Variants in PDZK1 observed in about 807,000 individuals in gnomAD.
PDZK1 encodes the protein PDZ domain containing 1.
Under a neutral mutation model 38.1 loss-of-function variants are expected in PDZK1, and 23 were observed. The observed-to-expected ratio is 0.60, with a 90% CI of 0.43 to 0.85. The LOEUF (loss-of-function observed/expected upper bound fraction) is 0.85, where lower values mean the gene tolerates loss of function less well. PDZK1 is among the 40% of genes least tolerant of loss of function. The probability of loss-of-function intolerance (pLI) is 0.00; values close to 1 mark genes in which losing one functional copy is unlikely to be tolerated. For missense variants in PDZK1, 297 were observed against 504.3 expected (o/e 0.59, Z 3.94); for synonymous variants, 98 against 186.2 (o/e 0.53, Z 3.86).
chr1:145,690,371 C>T lies in PDZK1; in HGVS notation c.-2-2348G>A, dbSNP rs116439489. Among the ~76,000 whole-genome samples the T allele has an allele frequency of 2.0e-3, 301 of 152,186 alleles. 2 individuals are homozygous for T. The highest frequency in any genetic ancestry group is 6.9e-3 in the African/African-American group (286 of 41,530). ...AAGAAAAAAAATCAGAAAAGAAAGACGAGGTCTCAATGTACTTTACTGGGA... is the reference window on the plus strand; with the variant it reads ...AAGAAAAAAAATCAGAAAAGAAAGATGAGGTCTCAATGTACTTTACTGGGA... On this transcript the variant is annotated intron_variant, in intron 1 of 8. Coordinates refer to ENST00000417171, the MANE Select transcript of PDZK1 (RefSeq NM_001201325.2).
chr1:145,679,315 T>A (rs1257153680), intron 5 of PDZK1, among the ~76,000 whole-genome samples: 2 of 152,082 alleles, frequency 1.3e-5, no homozygotes, highest in Non-Finnish European at 2.9e-5. Flanking sequence ...GCCCCTCCTC[T>A]TGGTTACCTG....
chr1:145,688,852 G>A (rs1034049265), intron 1 of PDZK1, among the ~76,000 whole-genome samples: 6 of 152,140 alleles, frequency 3.9e-5, no homozygotes, highest in Admixed American at 1.3e-4. Flanking sequence ...CCAGCTATTC[G>A]GGAGGCTGAG....
At chr1:145,681,375 C>T (rs1320939443) in intron 4 of PDZK1, among the ~76,000 whole-genome samples, 4 of 148,494 alleles carry the variant, frequency 2.7e-5, no homozygotes, top group African/African-American at 5.2e-5. Context: ...CTCTGCCTCC[C>T]GGGTTCACGC....
At chr1:145,705,335 C>T (rs1656187595) in intron 1 of PDZK1, among the ~76,000 whole-genome samples, 1 of 152,170 alleles carries the variant, frequency 6.6e-6, no homozygotes. Flanking sequence ...AGGTGATCCA[C>T]CTGCCTCAGC....
rs148852899 is a variant in PDZK1 at position 145,696,878 on chromosome 1, G to A, written c.-2-8855C>T. Among the ~76,000 whole-genome samples, 121 of 152,302 alleles carry A rather than the reference G, an allele frequency of 7.9e-4. 1 individual carries two copies. Among genetic ancestry groups the A allele is most frequent in the Middle Eastern group, 6.8e-3 (2 of 294 alleles). The stretch of plus-strand genomic sequence containing the variant: ...GTAGGTTTCAATTAGAGGACTTGAC[G>A]GAACATCACCTAGAGCTTAGGAGAT... On this transcript the variant is annotated intron_variant, in intron 1 of 8. Coordinates refer to ENST00000417171, the MANE Select transcript of PDZK1 (RefSeq NM_001201325.2).
At position 145,686,523 on chromosome 1, in the gene PDZK1, G is replaced by A. The variant is rs147285425; in HGVS notation, c.414C>T (p.Leu138=). 1.6e-5 allele frequency: 25 copies of A among 1,611,792 alleles called. No homozygotes were observed. The highest frequency in any genetic ancestry group is 4.5e-5 in the East Asian group (2 of 44,902). Residue 138 remains leucine, a synonymous_variant, in exon 3 of 9, where the codon CTC becomes CTT. Transcript: ENST00000417171. ...QTWTQPRLCY[L]VKEGGSYGFS... ...AGCCATAGCTGCCTCCTTCCTTCAC[G>A]AGATAGCAGAGCCGGGGCTGGGTCC...
intron 3 of PDZK1, among the ~76,000 whole-genome samples, chr1:145,685,525 C>T (rs1654673546): frequency 6.6e-6 from 1 of 152,052 alleles, no homozygotes; most frequent in South Asian, 2.1e-4. Flanking sequence ...ATACACACCA[C>T]TGTGTTTAAT....
intron 1 of PDZK1, among the ~76,000 whole-genome samples, chr1:145,699,045 G>A (rs1356871375): frequency 1.3e-5 from 2 of 151,926 alleles, no homozygotes; most frequent in East Asian, 1.9e-4. Context: ...TGAGACCAGC[G>A]TGGCCAACTT....
At chr1:145,697,395 G>C (rs1655689467) in intron 1 of PDZK1, among the ~76,000 whole-genome samples, 1 of 151,976 alleles carries the variant, frequency 6.6e-6, no homozygotes. Context: ...AAGCAAAAAG[G>C]AATAATCAGA....
chr1:145,688,100 C>G, intron 1 of PDZK1, 77 bp from the exon 2 acceptor site: 1 of 1,244,906 alleles, frequency 8.0e-7, no homozygotes, highest in Non-Finnish European at 1.2e-6. Flanking sequence ...CCTCCATCTC[C>G]TATAATTCTG....
At chr1:145,680,693 C>T (rs1654158328) in intron 5 of PDZK1, among the ~76,000 whole-genome samples, 1 of 145,986 alleles carries the variant, frequency 6.8e-6, no homozygotes. Context: ...ACCAGGATAC[C>T]GTTGCCCAGA....
chr1:145,693,051 C>T (rs1022315574), intron 1 of PDZK1, among the ~76,000 whole-genome samples: 1 of 152,016 alleles, frequency 6.6e-6, no homozygotes. Flanking sequence ...TGCTAGAGAC[C>T]AGACAAAACA....
intron 1 of PDZK1, among the ~76,000 whole-genome samples, chr1:145,695,157 G>A (rs1415234810): frequency 2.0e-5 from 3 of 152,044 alleles, no homozygotes; most frequent in Admixed American, 1.3e-4. Flanking sequence ...GCTCACACCT[G>A]TAATCCCAAC....
rs191863379 is a variant in PDZK1 at position 145,691,138 on chromosome 1, T to C, written c.-2-3115A>G. ...TTAATGCTATGGCCATCGATCTGCA[T>C]GTACCCAGGCCAAACTGATTAAATA... On this transcript the variant is annotated intron_variant, in intron 1 of 8. Transcript: ENST00000417171. 8.5e-4 allele frequency among the ~76,000 whole-genome samples: 130 copies of C among 152,318 alleles called. 1 individual carries two copies. The highest frequency in any genetic ancestry group is 3.0e-3 in the African/African-American group (125 of 41,562).
chr1:145,686,384 G>T, intron 3 of PDZK1, 93 bp downstream of exon 3: 3 of 1,522,528 alleles, frequency 2.0e-6, no homozygotes, highest in Middle Eastern at 2.4e-4. Flanking sequence ...GTCAGTCAAA[G>T]AAGAAAAGTC....
At chr1:145,693,855 C>G (rs1207201558) in intron 1 of PDZK1, among the ~76,000 whole-genome samples, 1 of 152,048 alleles carries the variant, frequency 6.6e-6, no homozygotes, top group Admixed American at 6.5e-5. Context: ...TCATGGGTCA[C>G]AGAGGAATGT....
chr1:145,692,707 CAAAA>C (rs879949674), intron 1 of PDZK1, among the ~76,000 whole-genome samples: 4 of 102,580 alleles, frequency 3.9e-5, no homozygotes, highest in African/African-American at 1.5e-4. Context: ...GATTCCGTCT[CAAAA>C]AAAAAAAAAA....
intron 1 of PDZK1, among the ~76,000 whole-genome samples, chr1:145,700,651 T>C (rs1655906397): frequency 6.6e-6 from 1 of 152,180 alleles, no homozygotes; most frequent in African/African-American, 2.4e-5. Flanking sequence ...TCACCAGCGA[T>C]GGCCAGATGC....
At chr1:145,691,653 T>C (rs1655241045) in intron 1 of PDZK1, 1 of 152,048 alleles carries the variant, frequency 6.6e-6, no homozygotes, top group African/African-American at 2.4e-5. Flanking sequence ...GTTCCCCAGT[T>C]CAAACAGCCA....
Sources: allele counts gnomAD v4.1 joint callset (sites outside exome capture counted in the v4.1 genomes callset), GRCh38; gene constraint gnomAD v4.1.1; transcripts MANE v1.5; gene names NCBI Gene and HGNC (gene_info 2026-07-23, HGNC 2026-07-21).